Variants in CWC22 observed in about 807,000 individuals in gnomAD.
CWC22 encodes CWC22 spliceosome associated protein, also known as pre-mRNA-splicing factor CWC22 homolog.
A neutral mutation model predicts 117.2 loss-of-function variants in CWC22; 53 were observed. The ratio of observed to expected loss-of-function variants is 0.45; its 90% CI spans 0.36 to 0.57. The LOEUF (loss-of-function observed/expected upper bound fraction) is 0.57, where lower values mean the gene tolerates loss of function less well. Among genes scored for constraint, CWC22 ranks in the 20% least tolerant of loss-of-function variants. The pLI is 0.00. For synonymous variants in CWC22, 360 were observed against 355.6 expected, an observed-to-expected ratio of 1.01 and a Z score of -0.14; for missense variants, 980 against 1,068.8, an observed-to-expected ratio of 0.92 and a Z score of 1.16.
intron 5 of CWC22, among the ~76,000 whole-genome samples, chr2:179,980,486 C>T (rs191491119): frequency 2.9e-3 from 430 of 146,154 alleles, no homozygotes; most frequent in Non-Finnish European, 4.8e-3. Flanking sequence ...GGTGCGATCT[C>T]GGCTCACTGC....
chr2:179,994,093 A>G (rs1364128096), intron 1 of CWC22, among the ~76,000 whole-genome samples: 1 of 152,192 alleles, frequency 6.6e-6, no homozygotes, highest in Non-Finnish European at 1.5e-5. Flanking sequence ...GTGTTTTAAT[A>G]CTCTAAGTAA....
At chr2:179,993,122 A>G (rs563277524) in intron 2 of CWC22, among the ~76,000 whole-genome samples, 193 bp downstream of exon 2, 7 of 152,244 alleles carry the variant, frequency 4.6e-5, no homozygotes, top group Admixed American at 2.6e-4. Context: ...TTTAAGTTAG[A>G]TGGATGTATT....
At chr2:179,977,020 G>C (rs2105535201) in intron 6 of CWC22, among the ~76,000 whole-genome samples, 1 of 152,228 alleles carries the variant, frequency 6.6e-6, no homozygotes, top group African/African-American at 2.4e-5. Flanking sequence ...GCCCAGTGTG[G>C]TGGTGAGTGC....
chr2:179,989,670 C>T (rs1489962429), intron 2 of CWC22, among the ~76,000 whole-genome samples: 3 of 152,072 alleles, frequency 2.0e-5, no homozygotes, highest in African/African-American at 7.2e-5. Context: ...TGTGAACCAT[C>T]CAGTTTGAGA....
chr2:180,006,416 T>G (rs1687975186), intron 1 of CWC22, among the ~76,000 whole-genome samples: 1 of 152,178 alleles, frequency 6.6e-6, no homozygotes, highest in African/African-American at 2.4e-5. Context: ...TGGCAGTTAT[T>G]ACCTCACTGG....
chr2:179,991,248 T>C (rs1687559919), intron 2 of CWC22, among the ~76,000 whole-genome samples: 1 of 150,956 alleles, frequency 6.6e-6, no homozygotes, highest in Non-Finnish European at 1.5e-5. Flanking sequence ...AGGGAGGAGG[T>C]GCTGGAAGAG....
intron 14 of CWC22, among the ~76,000 whole-genome samples, chr2:179,956,252 C>T (rs1686588227): frequency 6.6e-6 from 1 of 151,856 alleles, no homozygotes; most frequent in South Asian, 2.1e-4. Flanking sequence ...AAGCACAGAA[C>T]AGATACTCTA....
chr2:179,991,674 G>A (rs73036148), intron 2 of CWC22, among the ~76,000 whole-genome samples: 1,623 of 152,222 alleles, frequency 0.011, 25 homozygotes, highest in African/African-American at 0.036. Flanking sequence ...AGATCTGAGC[G>A]CTCTTGTCTA....
intron 14 of CWC22, among the ~76,000 whole-genome samples, chr2:179,955,375 T>A: frequency 6.6e-6 from 1 of 152,014 alleles, no homozygotes; most frequent in East Asian, 1.9e-4. Flanking sequence ...CTATGCAGAA[T>A]TCTTTTAAAT....
intron 13 of CWC22, among the ~76,000 whole-genome samples, 172 bp downstream of exon 13, chr2:179,964,375 A>C (rs1686834208): frequency 6.6e-6 from 1 of 152,226 alleles, no homozygotes; most frequent in Non-Finnish European, 1.5e-5. Context: ...CCTATAAAGC[A>C]AAGAACCAAC....
rs1454223909 is a variant in CWC22, at chr2:180,000,172, GAT to G, written c.-114+6693_-114+6694del. Among the ~76,000 whole-genome samples, 22 of 152,252 alleles carry G rather than the reference GAT, an allele frequency of 1.4e-4. No homozygotes were observed. In the East Asian group the frequency reaches 4.0e-3, roughly 28 times the overall value. On this transcript the variant is annotated intron_variant, in intron 1 of 19. Transcript: ENST00000410053. ...CATATTAGTGAAAAAATTGCCTCAT[GAT>G]ATACCTCATAAGGCCAAAAAATTAT...
intron 2 of CWC22, among the ~76,000 whole-genome samples, chr2:179,992,048 C>T (rs141210331): frequency 2.0e-5 from 3 of 152,266 alleles, no homozygotes; most frequent in Non-Finnish European, 2.9e-5. Context: ...TACTACAGGG[C>T]CTGCTGTCAA....
intron 1 of CWC22, among the ~76,000 whole-genome samples, chr2:180,004,080 A>T (rs1291863663): frequency 6.6e-6 from 1 of 152,174 alleles, no homozygotes; most frequent in South Asian, 2.1e-4. Flanking sequence ...AAAGTAGGGA[A>T]ATTCGACAAG....
At chr2:179,982,034 T>C (rs1687300244) in intron 4 of CWC22, 37 bp from the exon 5 acceptor site, 2 of 1,136,172 alleles carry the variant, frequency 1.8e-6, no homozygotes, top group Admixed American at 4.3e-5. Flanking sequence ...GAAAAGACAA[T>C]ATAAAACACA....
chr2:179,951,174 C>T (rs1466204497), intron 17 of CWC22, among the ~76,000 whole-genome samples: 1 of 151,724 alleles, frequency 6.6e-6, no homozygotes, highest in Non-Finnish European at 1.5e-5. Context: ...ACTTTTTTTA[C>T]ACACACACAT....
intron 6 of CWC22, among the ~76,000 whole-genome samples, chr2:179,974,716 C>G (rs1291376929): frequency 6.6e-6 from 1 of 152,126 alleles, no homozygotes; most frequent in Non-Finnish European, 1.5e-5. Context: ...TTCTCTACCT[C>G]TAAAACTTGC....
chr2:179,985,197 C>T (rs1036928784), intron 4 of CWC22, among the ~76,000 whole-genome samples: 1 of 152,010 alleles, frequency 6.6e-6, no homozygotes, highest in Non-Finnish European at 1.5e-5. Context: ...AACACCACCT[C>T]ATTAAAAAGT....
intron 1 of CWC22, among the ~76,000 whole-genome samples, chr2:179,998,543 C>T (rs916751569): frequency 2.0e-5 from 3 of 152,016 alleles, no homozygotes; most frequent in African/African-American, 7.2e-5. Flanking sequence ...TATATTTTGT[C>T]CCAATGAAAA....
At chr2:179,960,435 AG>A (rs1222107816) in intron 13 of CWC22, among the ~76,000 whole-genome samples, 2 of 152,016 alleles carry the variant, frequency 1.3e-5, no homozygotes, top group African/African-American at 4.8e-5. Context: ...ATGAGGACAA[AG>A]AAATAAAAGC....
Sources: gnomAD v4.1 joint callset for allele counts (sites outside exome capture counted in the v4.1 genomes callset) on GRCh38, gnomAD v4.1.1 for gene constraint, MANE v1.5 for transcripts, NCBI Gene and HGNC (gene_info 2026-07-23, HGNC 2026-07-21) for gene names.